Variants in TRPC4 observed in about 807,000 individuals in gnomAD.
TRPC4 encodes the protein short transient receptor potential channel 4.
Under a neutral mutation model 99.4 loss-of-function variants are expected in TRPC4, and 49 were observed. That is an observed-to-expected ratio of 0.49 (90% CI 0.39 to 0.63). The LOEUF is 0.63. Ranked by LOEUF, TRPC4 falls within the 20% of genes least tolerant of loss-of-function variation. The pLI, the probability that TRPC4 is intolerant of heterozygous loss-of-function variation, is 0.00. For synonymous variants in TRPC4, 454 were observed against 425.9 expected, an observed-to-expected ratio of 1.07 and a Z score of -0.81; for missense variants, 898 against 1,152.9, an observed-to-expected ratio of 0.78 and a Z score of 3.20.
chr13:37,840,788 T>C (rs78066984), intron 1 of TRPC4, among the ~76,000 whole-genome samples: 4,969 of 152,136 alleles, frequency 0.033, 274 homozygotes, highest in African/African-American at 0.11. Flanking sequence ...AAAGTTGGCC[T>C]TCCATCTTTT....
At chr13:37,804,351 C>A (rs1438568589) in intron 1 of TRPC4, among the ~76,000 whole-genome samples, 3 of 152,064 alleles carry the variant, frequency 2.0e-5, no homozygotes, top group Non-Finnish European at 4.4e-5. Context: ...TGAAGTCAGA[C>A]AACTAGTAAG....
intron 1 of TRPC4, among the ~76,000 whole-genome samples, chr13:37,801,018 A>G (rs1957386974): frequency 6.6e-6 from 1 of 152,136 alleles, no homozygotes; most frequent in Non-Finnish European, 1.5e-5. Flanking sequence ...GTAAGGCATT[A>G]ATTTTAAAAT....
intron 3 of TRPC4, among the ~76,000 whole-genome samples, chr13:37,718,029 G>A (rs1345454137): frequency 6.6e-6 from 1 of 152,002 alleles, no homozygotes; most frequent in Non-Finnish European, 1.5e-5. Context: ...GGTACATTGT[G>A]GAGTGGCAAG....
chr13:37,867,210 A>G (rs1344707844), intron 1 of TRPC4, among the ~76,000 whole-genome samples: 1 of 152,002 alleles, frequency 6.6e-6, no homozygotes, highest in Non-Finnish European at 1.5e-5. Context: ...TTTCTCATAT[A>G]TCTATCTTTA....
At chr13:37,654,781 C>T (rs778420847) in intron 7 of TRPC4, among the ~76,000 whole-genome samples, 13 of 152,124 alleles carry the variant, frequency 8.5e-5, no homozygotes, top group South Asian at 2.1e-4. Context: ...CTATTGTACA[C>T]GGCGCAGAGA....
At chr13:37,760,222 A>T (rs757380721) in intron 2 of TRPC4, among the ~76,000 whole-genome samples, 2 of 151,964 alleles carry the variant, frequency 1.3e-5, no homozygotes, top group Non-Finnish European at 1.5e-5. Context: ...GTCAATCTCT[A>T]TATTAAAATC....
At chr13:37,793,214 C>G (rs1194387870) in intron 1 of TRPC4, among the ~76,000 whole-genome samples, 2 of 152,026 alleles carry the variant, frequency 1.3e-5, no homozygotes, top group African/African-American at 4.8e-5. Flanking sequence ...TTAGTCTATC[C>G]TTTTGATGGA....
In TRPC4 at chr13:37,720,098, G is replaced by A. The variant is rs75872171; in HGVS notation, c.897+25839C>T. 3.9e-4 allele frequency among the ~76,000 whole-genome samples: 60 copies of A among 152,056 alleles called. No homozygotes were observed. In the East Asian group the frequency reaches 0.012, roughly 29 times the overall value. On this transcript the variant is annotated intron_variant, in intron 3 of 10. Coordinates refer to ENST00000379705, the MANE Select transcript of TRPC4 (RefSeq NM_016179.4). ...ATGGAGGAAGAGGAAAAGATGGGAAGATCAAGGAAAATGATTATCCTCTGA... is the reference window on the plus strand; with the variant it reads ...ATGGAGGAAGAGGAAAAGATGGGAAAATCAAGGAAAATGATTATCCTCTGA...
chr13:37,806,736 G>A (rs897075780), intron 1 of TRPC4, among the ~76,000 whole-genome samples: 1 of 152,062 alleles, frequency 6.6e-6, no homozygotes, highest in Non-Finnish European at 1.5e-5. Context: ...GCAAAACTGA[G>A]AGGTCAACAG....
chr13:37,783,340 T>C lies in TRPC4; in HGVS notation c.-7A>G. On this transcript the variant is annotated 5_prime_UTR_variant, in exon 2 of 11. The change abolishes an upstream ATG in the 5' untranslated region. Coordinates refer to ENST00000379705, the MANE Select transcript of TRPC4 (RefSeq NM_016179.4). ...TGTAATAGAACTGAGCCATGTTTCATGCCATGCTATTTCTTCGTCTCTGAA... is the reference window on the plus strand; with the variant it reads ...TGTAATAGAACTGAGCCATGTTTCACGCCATGCTATTTCTTCGTCTCTGAA... The C allele has an allele frequency of 6.5e-7, 1 of 1,534,078 alleles. No homozygotes were observed. Among genetic ancestry groups the C allele is most frequent in the Non-Finnish European group, 8.8e-7 (1 of 1,141,408 alleles).
At chr13:37,763,079 G>A (rs1019603597) in intron 2 of TRPC4, among the ~76,000 whole-genome samples, 2 of 151,068 alleles carry the variant, frequency 1.3e-5, no homozygotes, top group African/African-American at 4.9e-5. Context: ...AATAGTAAAG[G>A]CTAATGAATG....
At chr13:37,828,028 C>G (rs141199088) in intron 1 of TRPC4, among the ~76,000 whole-genome samples, 2 of 152,174 alleles carry the variant, frequency 1.3e-5, no homozygotes, top group African/African-American at 2.4e-5. Flanking sequence ...GGGAGTGACC[C>G]GATTTTCCAG....
At chr13:37,673,435 G>A (rs1223731145) in intron 5 of TRPC4, among the ~76,000 whole-genome samples, 2 of 150,760 alleles carry the variant, frequency 1.3e-5, no homozygotes, top group Non-Finnish European at 3.0e-5. Flanking sequence ...TAAATTGAAT[G>A]CATTATTTAT....
intron 1 of TRPC4, among the ~76,000 whole-genome samples, chr13:37,839,965 A>G (rs768896355): frequency 2.0e-4 from 31 of 152,152 alleles, no homozygotes; most frequent in Non-Finnish European, 4.0e-4. Context: ...GGTCTGAAAC[A>G]TGATCCTTTT....
At chr13:37,850,991 C>T (rs1959038382) in intron 1 of TRPC4, among the ~76,000 whole-genome samples, 1 of 152,180 alleles carries the variant, frequency 6.6e-6, no homozygotes, top group Non-Finnish European at 1.5e-5. Flanking sequence ...AAGTAAAATG[C>T]TTATCAGAAA....
intron 1 of TRPC4, among the ~76,000 whole-genome samples, chr13:37,852,077 A>G (rs1959073228): frequency 6.6e-6 from 1 of 152,118 alleles, no homozygotes. Context: ...CAAGGACTAC[A>G]ATTCCTAGTG....
intron 1 of TRPC4, among the ~76,000 whole-genome samples, chr13:37,825,092 T>C (rs1300788762): frequency 1.3e-5 from 2 of 151,496 alleles, no homozygotes; most frequent in Admixed American, 6.6e-5. Context: ...GATGGTAGTT[T>C]GTATTTCTGT....
intron 6 of TRPC4, among the ~76,000 whole-genome samples, chr13:37,659,306 C>T (rs549702367): frequency 3.0e-4 from 45 of 152,200 alleles, no homozygotes; most frequent in Non-Finnish European, 4.1e-4. Context: ...CTCCCTCCCT[C>T]GCTTCCTTCC....
At chr13:37,784,943 A>T (rs1276742598) in intron 1 of TRPC4, among the ~76,000 whole-genome samples, 1 of 152,120 alleles carries the variant, frequency 6.6e-6, no homozygotes, top group Non-Finnish European at 1.5e-5. Context: ...CATATTAAAC[A>T]TAGTATTTTG....
Sources: allele counts gnomAD v4.1 joint callset (sites outside exome capture counted in the v4.1 genomes callset), GRCh38; gene constraint gnomAD v4.1.1; transcripts MANE v1.5; gene names NCBI Gene and HGNC (gene_info 2026-07-23, HGNC 2026-07-21).